Variants in RHOT1 observed in about 807,000 individuals in gnomAD.
RHOT1 encodes the protein ras homolog family member T1.
In RHOT1, 27 loss-of-function variants were observed where a neutral mutation model predicts 95.3. The ratio of observed to expected loss-of-function variants is 0.28; its 90% CI spans 0.21 to 0.39. RHOT1 has a LOEUF of 0.39. Ranked by LOEUF, RHOT1 falls within the 10% of genes least tolerant of loss-of-function variation. The probability of loss-of-function intolerance (pLI) is 1.00; values close to 1 mark genes in which losing one functional copy is unlikely to be tolerated. For missense variants in RHOT1, 578 were observed against 786.7 expected (o/e 0.73, Z 3.17); for synonymous variants, 227 against 263.5 (o/e 0.86, Z 1.34).
intron 1 of RHOT1, among the ~76,000 whole-genome samples, chr17:32,167,377 A>T (rs1228215717): frequency 6.6e-6 from 1 of 151,218 alleles, no homozygotes; most frequent in Non-Finnish European, 1.5e-5. Flanking sequence ...CCCAGGCTAG[A>T]GTGCAGTAGT....
At chr17:32,219,947 A>G (rs922806994) in intron 19 of RHOT1, among the ~76,000 whole-genome samples, 1 of 152,230 alleles carries the variant, frequency 6.6e-6, no homozygotes, top group African/African-American at 2.4e-5. Context: ...TAGAAAAAAA[A>G]CCTTTATACA....
At chr17:32,164,576 C>G (rs1011859372) in intron 1 of RHOT1, among the ~76,000 whole-genome samples, 26 of 151,958 alleles carry the variant, frequency 1.7e-4, no homozygotes, top group African/African-American at 6.0e-4. Flanking sequence ...AAAAATAATA[C>G]TTACTGAGGC....
rs1379313415 is a variant in RHOT1, at chr17:32,195,993, G to GT, written c.869+1894dup. 4.0e-5 allele frequency among the ~76,000 whole-genome samples: 6 copies of GT among 151,806 alleles called. No individual in the cohort carries two copies. In the East Asian group the frequency reaches 9.7e-4, roughly 24 times the overall value. On this transcript the variant is annotated intron_variant, in intron 11 of 19. Coordinates refer to ENST00000545287, the MANE Select transcript of RHOT1 (RefSeq NM_001033566.3). ...TGGCTTACACTAATCACCTCTTTCA[G>GT]TTTTTTTTAATCCTCTTTGCCTTTA...
intron 15 of RHOT1, 70 bp downstream of exon 15, chr17:32,202,970 A>C: frequency 6.7e-7 from 1 of 1,488,034 alleles, no homozygotes; most frequent in South Asian, 1.2e-5. Context: ...TAATGTTTTC[A>C]TAGCCATTGA....
chr17:32,209,490 T>C (rs776724989), intron 18 of RHOT1: 2 of 1,178,920 alleles, frequency 1.7e-6, no homozygotes, highest in Admixed American at 1.8e-5. Context: ...TTTGTTGATA[T>C]TTTCTTAGAG....
At chr17:32,173,548 A>G (rs896655639) in intron 2 of RHOT1, among the ~76,000 whole-genome samples, 5 of 151,952 alleles carry the variant, frequency 3.3e-5, no homozygotes, top group African/African-American at 1.2e-4. Flanking sequence ...TCGTGTCTCT[A>G]CTAAAAATAC....
At chr17:32,176,276 A>T in intron 6 of RHOT1, 63 bp downstream of exon 6, 1 of 1,306,360 alleles carries the variant, frequency 7.7e-7, no homozygotes, top group Non-Finnish European at 1.1e-6. Context: ...AAAAGGTACA[A>T]GAAGTAGTAC....
At chr17:32,222,425 C>T (rs17182658) in intron 19 of RHOT1, among the ~76,000 whole-genome samples, 4,672 of 152,214 alleles carry the variant, frequency 0.031, 110 homozygotes, top group Non-Finnish European at 0.048. Flanking sequence ...TCAGGTACTG[C>T]TTATGGTATT....
rs537414552 is a variant in RHOT1 at position 32,221,582 on chromosome 17, G to A, written c.1863-3034G>A. Among the ~76,000 whole-genome samples the A allele has an allele frequency of 6.2e-4, 94 of 152,264 alleles. 1 individual carries two copies. The highest frequency in any genetic ancestry group is 4.8e-3 in the South Asian group (23 of 4,826). ...TCTTTTATAAATAGAGCCTGGTAGT[G>A]CAGCCTTTAAATGCAGGTGGTACAG... On this transcript the variant is annotated intron_variant, in intron 19 of 19. Coordinates refer to ENST00000545287, the MANE Select transcript of RHOT1 (RefSeq NM_001033566.3).
chr17:32,150,755 TATCTTGC>T (rs1249910698), intron 1 of RHOT1: 5 of 1,595,356 alleles, frequency 3.1e-6, no homozygotes, highest in Middle Eastern at 3.3e-4. Flanking sequence ...TCCCACTGAG[TATCTTGC>T]ATTTGGAAGT....
intron 1 of RHOT1, among the ~76,000 whole-genome samples, chr17:32,149,375 C>G (rs1295322237): frequency 6.6e-6 from 1 of 150,640 alleles, no homozygotes; most frequent in East Asian, 1.9e-4. Context: ...CATAAACAAT[C>G]TTTATTTTCT....
intron 1 of RHOT1, among the ~76,000 whole-genome samples, chr17:32,164,629 G>A (rs538983352): frequency 1.4e-4 from 21 of 152,222 alleles, no homozygotes; most frequent in African/African-American, 3.6e-4. Context: ...ACTTTGGGAG[G>A]CTGAGGCAGA....
Position 32,206,975 on chromosome 17 carries a change from G to T in RHOT1, c.1482G>T (p.Leu494=). The T allele has an allele frequency of 6.2e-7, 1 of 1,611,900 alleles. No homozygotes were observed. Among genetic ancestry groups the T allele is most frequent in the Non-Finnish European group, 8.5e-7 (1 of 1,178,528 alleles). ...EAEIICDVVC[L]VYDVSNPKSF... ...AAATCATTTGTGATGTTGTATGCCTGGTATATGATGTCAGCAATCCCAAAT... is the reference window on the plus strand; with the variant it reads ...AAATCATTTGTGATGTTGTATGCCTTGTATATGATGTCAGCAATCCCAAAT... The change falls in exon 17 of 20, where the codon CTG becomes CTT. Residue 494 remains leucine, a synonymous_variant. Transcript: ENST00000545287.
chr17:32,205,284 C>T (rs537879361), intron 16 of RHOT1, among the ~76,000 whole-genome samples: 16 of 152,074 alleles, frequency 1.1e-4, no homozygotes, highest in Admixed American at 3.3e-4. Context: ...GTTTTCTGTT[C>T]CTGTGTTAGT....
intron 19 of RHOT1, among the ~76,000 whole-genome samples, chr17:32,218,506 GAAA>G (rs371495186): frequency 2.9e-5 from 3 of 104,546 alleles, no homozygotes; most frequent in African/African-American, 3.4e-5. Flanking sequence ...GATCCTGTCT[GAAA>G]AAAAAAAAAA....
chr17:32,144,066 A>G (rs990381302), intron 1 of RHOT1, among the ~76,000 whole-genome samples: 8 of 152,180 alleles, frequency 5.3e-5, no homozygotes, highest in Non-Finnish European at 1.2e-4. Flanking sequence ...TGTATTTTTC[A>G]TGGACTTCCT....
chr17:32,177,442 T>G (rs542177604), intron 6 of RHOT1, among the ~76,000 whole-genome samples: 1 of 152,226 alleles, frequency 6.6e-6, no homozygotes, highest in South Asian at 2.1e-4. Flanking sequence ...TTGCGCCATT[T>G]CTAGGAGGGA....
chr17:32,194,602 C>A (rs1303211140), intron 11 of RHOT1, among the ~76,000 whole-genome samples: 1 of 152,136 alleles, frequency 6.6e-6, no homozygotes, highest in Non-Finnish European at 1.5e-5. Context: ...CAAACTTTTC[C>A]TCTTCTTGTC....
chr17:32,194,750 G>A (rs948927575), intron 11 of RHOT1, among the ~76,000 whole-genome samples: 27 of 147,684 alleles, frequency 1.8e-4, no homozygotes, highest in African/African-American at 6.7e-4. Flanking sequence ...TTCTCCCTCA[G>A]TTTTATAGCC....
Sources: allele counts gnomAD v4.1 joint callset (sites outside exome capture counted in the v4.1 genomes callset), GRCh38; gene constraint gnomAD v4.1.1; transcripts MANE v1.5; gene names NCBI Gene and HGNC (gene_info 2026-07-23, HGNC 2026-07-21).